KMT2C: variants seen among roughly 807,000 people sequenced by gnomAD.
The protein encoded by KMT2C is lysine methyltransferase 2C.
KMT2C carries 88 observed loss-of-function variants against 507.9 expected under a neutral mutation model. That is an observed-to-expected ratio of 0.17 (90% CI 0.15 to 0.21). The LOEUF is 0.21. Among genes scored for constraint, KMT2C ranks in the 10% least tolerant of loss-of-function variants. The pLI, the probability that KMT2C is intolerant of heterozygous loss-of-function variation, is 1.00. For synonymous variants in KMT2C, 2,049 were observed against 2,080.8 expected, an observed-to-expected ratio of 0.98 and a Z score of 0.42; for missense variants, 4,954 against 5,957.8, an observed-to-expected ratio of 0.83 and a Z score of 5.55.
intron 41 of KMT2C, among the ~76,000 whole-genome samples, chr7:152,167,717 G>C (rs2092794637): frequency 6.6e-6 from 1 of 151,960 alleles, no homozygotes; most frequent in Non-Finnish European, 1.5e-5. Flanking sequence ...ACATACTAAG[G>C]TATACATGCA....
intron 7 of KMT2C, among the ~76,000 whole-genome samples, chr7:152,270,804 A>G (rs996993591): frequency 4.6e-5 from 7 of 152,202 alleles, no homozygotes; most frequent in African/African-American, 1.7e-4. Context: ...TGCAACAATG[A>G]CCAGCCATTT....
At chr7:152,206,840 G>C (rs1387113090) in intron 24 of KMT2C, among the ~76,000 whole-genome samples, 2 of 152,096 alleles carry the variant, frequency 1.3e-5, no homozygotes, top group Admixed American at 1.3e-4. Flanking sequence ...TAAATTCTAG[G>C]AGCCATAATA....
chr7:152,249,825 G>C (rs186128702), intron 13 of KMT2C, 51 bp downstream of exon 13: 714 of 1,137,524 alleles, frequency 6.3e-4, no homozygotes, highest in Non-Finnish European at 7.2e-4. Flanking sequence ...TTGGGATAAA[G>C]ACATTATCTT....
At position 152,315,331 on chromosome 7, in the gene KMT2C, G is replaced by A. The variant is rs1184926777; in HGVS notation, c.397C>T (p.Leu133Phe). The change falls in exon 4 of 59, where the codon CTC (leucine) becomes TTC (phenylalanine). Residue 133 changes from leucine to phenylalanine, a missense_variant. By Grantham distance (22) the Leu-to-Phe change is conservative. Transcript: ENST00000262189. ...VGVEAKISEQ[L>F]CAFCYCGEKS... ...TCCCCACAGTAACAAAAAGCGCAGA[G>A]CTGTTCACTAGTAAAAATGAAATGT... The A allele has an allele frequency of 2.5e-6, 4 of 1,612,426 alleles. No individual in the cohort carries two copies. The African/African-American group carries it at 5.3e-5, about 22-fold the overall frequency.
intron 1 of KMT2C, among the ~76,000 whole-genome samples, chr7:152,372,219 G>A (rs1228971322): frequency 6.6e-6 from 1 of 152,106 alleles, no homozygotes; most frequent in Non-Finnish European, 1.5e-5. Context: ...GCGATGGTGT[G>A]ATCTCAGCTC....
chr7:152,245,872 TAAC>T (rs2095463896), intron 14 of KMT2C, among the ~76,000 whole-genome samples: 1 of 152,072 alleles, frequency 6.6e-6, no homozygotes, highest in Non-Finnish European at 1.5e-5. Flanking sequence ...CCAGTGATGT[TAAC>T]AAAAAATAGC....
intron 3 of KMT2C, among the ~76,000 whole-genome samples, chr7:152,319,439 C>A (rs1274532946): frequency 1.3e-5 from 2 of 152,192 alleles, no homozygotes; most frequent in African/African-American, 2.4e-5. Flanking sequence ...TATGCCCAGA[C>A]AGGGCCACCA....
chr7:152,397,242 T>C (rs374307883), intron 1 of KMT2C, among the ~76,000 whole-genome samples: 70 of 151,852 alleles, frequency 4.6e-4, no homozygotes, highest in African/African-American at 1.6e-3. Flanking sequence ...GTTGCCCAGG[T>C]TGGAGTGCAG....
chr7:152,387,313 G>A (rs577510954), intron 1 of KMT2C, among the ~76,000 whole-genome samples: 1 of 151,356 alleles, frequency 6.6e-6, no homozygotes, highest in African/African-American at 2.4e-5. Context: ...TGTAGTTATT[G>A]GTAATTTTTC....
chr7:152,207,355 C>T lies in KMT2C; in HGVS notation c.3786G>A (p.Lys1262=), dbSNP rs1182105009. The change falls in exon 24 of 59, where the codon AAG becomes AAA. Residue 1262 remains lysine (K), a synonymous_variant. Transcript: ENST00000262189. The part of the protein sequence containing the change: ...PEREAVDDET[K]GVEGTDGVKK... The stretch of plus-strand genomic sequence containing the variant: ...TGACACCATCTGTTCCTTCCACTCC[C>T]TTAGTTTCATCATCCACAGCTTCCC... The T allele has an allele frequency of 6.2e-7, 1 of 1,611,870 alleles. No individual in the cohort carries two copies. Among genetic ancestry groups the T allele is most frequent in the East Asian group, 2.2e-5 (1 of 44,804 alleles).
chr7:152,294,336 A>C (rs993774946), intron 6 of KMT2C, among the ~76,000 whole-genome samples: 2 of 152,212 alleles, frequency 1.3e-5, no homozygotes, highest in Admixed American at 6.5e-5. Flanking sequence ...TGAAAAGATA[A>C]AACAATTTCT....
chr7:152,337,856 ATT>A (rs550943327), intron 2 of KMT2C, among the ~76,000 whole-genome samples: 20 of 140,588 alleles, frequency 1.4e-4, no homozygotes, highest in Admixed American at 1.4e-4. Flanking sequence ...ATACAACTTG[ATT>A]TTTTTTTTTT....
chr7:152,312,782 G>A (rs1001727983), intron 4 of KMT2C, among the ~76,000 whole-genome samples: 2 of 152,080 alleles, frequency 1.3e-5, no homozygotes, highest in African/African-American at 4.8e-5. Flanking sequence ...TTAAATATGG[G>A]AAATCAGATG....
chr7:152,163,894 ATGACT>A, intron 42 of KMT2C, 68 bp from the exon 43 acceptor site: 3 of 1,475,606 alleles, frequency 2.0e-6, no homozygotes, highest in Non-Finnish European at 2.8e-6. Flanking sequence ...ACACTGGCTG[ATGACT>A]GTGGTTGAGG....
chr7:152,356,928 A>AATAATAATG (rs2097157195), intron 2 of KMT2C, among the ~76,000 whole-genome samples: 1 of 148,192 alleles, frequency 6.7e-6, no homozygotes, highest in African/African-American at 2.5e-5. Context: ...TAATAATAAT[A>AATAATAATG]ATAATAGCAA....
rs2129166565 is a variant in KMT2C, at chr7:152,252,046, T to C, written c.1514A>G (p.Asp505Gly). ...ECDKPTDHEL[D>G]TQLKEEYICM... ...GATATACTCTTCTTTGAGCTGAGTA[T>C]CCAGTTCATGATCTGTTGGTTTGTC... The change falls in exon 11 of 59, where the codon GAT becomes GGT. Residue 505 changes from aspartate (D) to glycine (G), a missense_variant. Physicochemically the swap from Asp to Gly is moderately conservative, Grantham distance 94. Coordinates refer to ENST00000262189, the MANE Select transcript of KMT2C (RefSeq NM_170606.3). The C allele has an allele frequency of 6.2e-7, 1 of 1,612,064 alleles. No homozygotes were observed. Among genetic ancestry groups the C allele is most frequent in the South Asian group, 1.1e-5 (1 of 90,610 alleles).
intron 52 of KMT2C, among the ~76,000 whole-genome samples, chr7:152,147,425 T>C (rs2091215105): frequency 6.6e-6 from 1 of 152,134 alleles, no homozygotes; most frequent in Non-Finnish European, 1.5e-5. Context: ...GGCTCACACC[T>C]GTAATCCCAG....
At chr7:152,310,832 A>G (rs775906028) in intron 5 of KMT2C, among the ~76,000 whole-genome samples, 18 of 151,964 alleles carry the variant, frequency 1.2e-4, no homozygotes, top group Non-Finnish European at 1.8e-4. Flanking sequence ...CTACAGGCAC[A>G]TGCCACCACA....
At chr7:152,426,235 T>G (rs908539863) in intron 1 of KMT2C, among the ~76,000 whole-genome samples, 99 of 145,624 alleles carry the variant, frequency 6.8e-4, no homozygotes, top group Non-Finnish European at 1.3e-3. Flanking sequence ...TCATAGTTTT[T>G]TTTTTTTTTT....
Sources: allele counts gnomAD v4.1 joint callset (sites outside exome capture counted in the v4.1 genomes callset), GRCh38; gene constraint gnomAD v4.1.1; transcripts MANE v1.5; gene names NCBI Gene and HGNC (gene_info 2026-07-23, HGNC 2026-07-21).